Variants in LDB2 observed in about 807,000 individuals in gnomAD.
The protein encoded by LDB2 is LIM domain binding 2, also known as LIM domain-binding protein 2.
A neutral mutation model predicts 44.3 loss-of-function variants in LDB2; 12 were observed. That is an observed-to-expected ratio of 0.27 (90% confidence interval 0.17 to 0.44). The LOEUF is 0.44. LDB2 is among the 20% of genes least tolerant of loss of function. The pLI, the probability that LDB2 is intolerant of heterozygous loss-of-function variation, is 1.00. For synonymous variants in LDB2, 164 were observed against 174.8 expected (o/e 0.94, Z 0.49); for missense variants, 344 against 473.5 (o/e 0.73, Z 2.54).
At chr4:16,710,257 G>C (rs996186623) in intron 2 of LDB2, among the ~76,000 whole-genome samples, 1 of 152,138 alleles carries the variant, frequency 6.6e-6, no homozygotes, top group Non-Finnish European at 1.5e-5. Flanking sequence ...TAGATATTTT[G>C]TTCTCCACAT....
chr4:16,696,425 C>T (rs917585335), intron 2 of LDB2, among the ~76,000 whole-genome samples: 2 of 152,148 alleles, frequency 1.3e-5, no homozygotes, highest in South Asian at 2.1e-4. Context: ...TTGCCATTTA[C>T]ATTCAGAACA....
intron 2 of LDB2, among the ~76,000 whole-genome samples, chr4:16,709,799 AT>A (rs1224678320): frequency 6.6e-6 from 1 of 152,172 alleles, no homozygotes; most frequent in East Asian, 1.9e-4. Flanking sequence ...AGTGAGAATA[AT>A]CCCAGAGGGA....
At chr4:16,894,736 A>T (rs772581740) in intron 1 of LDB2, among the ~76,000 whole-genome samples, 1 of 152,122 alleles carries the variant, frequency 6.6e-6, no homozygotes, top group Non-Finnish European at 1.5e-5. Flanking sequence ...GGAAGGTGCT[A>T]ATTTAAATGC....
intron 1 of LDB2, among the ~76,000 whole-genome samples, chr4:16,806,884 T>C (rs1200972990): frequency 1.3e-5 from 2 of 152,210 alleles, no homozygotes; most frequent in Non-Finnish European, 1.5e-5. Flanking sequence ...ATAGTGCTAA[T>C]AACACAGCCT....
intron 1 of LDB2, among the ~76,000 whole-genome samples, chr4:16,871,842 G>A (rs1028717719): frequency 6.6e-6 from 1 of 152,012 alleles, no homozygotes; most frequent in African/African-American, 2.4e-5. Flanking sequence ...GGCTGGTCTT[G>A]AATTCCTGAC....
intron 1 of LDB2, among the ~76,000 whole-genome samples, chr4:16,841,132 A>G (rs1785815116): frequency 6.6e-6 from 1 of 152,062 alleles, no homozygotes; most frequent in Admixed American, 6.6e-5. Flanking sequence ...ATTATAGAAT[A>G]CCATTTTTTT....
chr4:16,690,459 CAGGAAGGA>C (rs768921074), intron 2 of LDB2, among the ~76,000 whole-genome samples: 9 of 50,302 alleles, frequency 1.8e-4, no homozygotes, highest in African/African-American at 7.4e-4. Flanking sequence ...GAAGACCCTG[CAGGAAGGA>C]AGGAAGGAAG....
chr4:16,564,032 T>A (rs1297638671), intron 5 of LDB2, among the ~76,000 whole-genome samples: 2 of 152,154 alleles, frequency 1.3e-5, no homozygotes, highest in Non-Finnish European at 1.5e-5. Flanking sequence ...TACAGCTGGG[T>A]CCCAGGCTCT....
chr4:16,627,046 G>C, intron 2 of LDB2: 1 of 152,124 alleles, frequency 6.6e-6, no homozygotes, highest in East Asian at 1.9e-4. Context: ...AATCCTTCTG[G>C]TGGGGCCATA....
At chr4:16,767,444 C>A (rs1024581065) in intron 1 of LDB2, among the ~76,000 whole-genome samples, 1 of 152,126 alleles carries the variant, frequency 6.6e-6, no homozygotes, top group African/African-American at 2.4e-5. Flanking sequence ...GACTGAGTAC[C>A]AAATGCCCGA....
intron 2 of LDB2, among the ~76,000 whole-genome samples, chr4:16,732,738 C>T (rs1191576990): frequency 6.6e-6 from 1 of 152,114 alleles, no homozygotes; most frequent in Non-Finnish European, 1.5e-5. Flanking sequence ...CAAACATGTA[C>T]ATCTGAAGGA....
At chr4:16,869,933 C>A (rs1439534940) in intron 1 of LDB2, among the ~76,000 whole-genome samples, 1 of 152,174 alleles carries the variant, frequency 6.6e-6, no homozygotes, top group Non-Finnish European at 1.5e-5. Flanking sequence ...AGCCTGTTTT[C>A]CTACTTGCAG....
intron 2 of LDB2, among the ~76,000 whole-genome samples, chr4:16,598,877 CTTTTTT>C (rs5856371): frequency 7.0e-6 from 1 of 143,780 alleles, no homozygotes; most frequent in Admixed American, 6.9e-5. Context: ...TTCTTTCTTT[CTTTTTT>C]TTTTTTTTTT....
intron 5 of LDB2, among the ~76,000 whole-genome samples, chr4:16,570,121 G>A (rs1401718441): frequency 6.6e-6 from 1 of 152,060 alleles, no homozygotes; most frequent in African/African-American, 2.4e-5. Context: ...TGCATATCAG[G>A]TCCTTGTTTT....
intron 2 of LDB2, among the ~76,000 whole-genome samples, chr4:16,635,667 A>C (rs1733388294): frequency 8.6e-6 from 1 of 116,792 alleles, no homozygotes; most frequent in Non-Finnish European, 2.0e-5. Flanking sequence ...GCTGGGGGAG[A>C]AGGAAAAGAA....
chr4:16,605,625 G>C (rs1723718014), intron 2 of LDB2, among the ~76,000 whole-genome samples: 1 of 152,204 alleles, frequency 6.6e-6, no homozygotes, highest in African/African-American at 2.4e-5. Flanking sequence ...GTTGTGGCCA[G>C]TGCCTAATGG....
At chr4:16,780,232 T>G (rs1030325804) in intron 1 of LDB2, among the ~76,000 whole-genome samples, 1 of 152,194 alleles carries the variant, frequency 6.6e-6, no homozygotes. Flanking sequence ...TTTATTTTAT[T>G]ATTTTTTTGA....
At chr4:16,720,475 T>C (rs747761421) in intron 2 of LDB2, among the ~76,000 whole-genome samples, 2 of 152,138 alleles carry the variant, frequency 1.3e-5, no homozygotes, top group Non-Finnish European at 2.9e-5. Context: ...ATAATTCTCC[T>C]AATATATGTC....
chr4:16,846,580 G>C (rs983286215), intron 1 of LDB2, among the ~76,000 whole-genome samples: 8 of 152,074 alleles, frequency 5.3e-5, no homozygotes, highest in Admixed American at 5.2e-4. Flanking sequence ...AGTATTTCTA[G>C]AGCTATAAAA....
Sources: allele counts gnomAD v4.1 joint callset (sites outside exome capture counted in the v4.1 genomes callset), GRCh38; gene constraint gnomAD v4.1.1; transcripts MANE v1.5; gene names NCBI Gene and HGNC (gene_info 2026-07-23, HGNC 2026-07-21).